RAB37: variants seen among roughly 807,000 people sequenced by gnomAD.
RAB37 encodes the protein RAB37, member RAS oncogene family.
A neutral mutation model predicts 33.1 loss-of-function variants in RAB37; 29 were observed. That is an observed-to-expected ratio of 0.88 (90% CI 0.65 to 1.20). RAB37 has a LOEUF of 1.20. RAB37 is among the 50% of genes most tolerant of loss of function. RAB37 has a pLI of 0.00. For missense variants in RAB37, 299 were observed against 301.1 expected (o/e 0.99, Z 0.05); for synonymous variants, 128 against 119.5 (o/e 1.07, Z -0.47).
At chr17:74,728,735 C>G (rs1567809869) in intron 1 of RAB37, among the ~76,000 whole-genome samples, 2 of 151,040 alleles carry the variant, frequency 1.3e-5, no homozygotes. Flanking sequence ...TATATGTGTA[C>G]ATGTGTTTTT....
intron 1 of RAB37, among the ~76,000 whole-genome samples, chr17:74,726,494 T>G (rs1166221474): frequency 6.6e-6 from 1 of 152,226 alleles, no homozygotes; most frequent in African/African-American, 2.4e-5. Flanking sequence ...GGAACGTGGA[T>G]GGACTACCCC....
chr17:74,738,514 C>T lies in RAB37; in HGVS notation c.93+1149C>T, dbSNP rs563381460. Among the ~76,000 whole-genome samples, 8 of 152,268 alleles carry T rather than the reference C, an allele frequency of 5.3e-5. No individual in the cohort carries two copies. In the East Asian group the frequency reaches 1.2e-3, roughly 22 times the overall value. On this transcript the variant is annotated intron_variant, in intron 1 of 8. Transcript: ENST00000392613. The surrounding 1 kb of genome is among the most constrained non-coding windows in gnomAD (Gnocchi z 5.0). ...GTTGTTTGCCTAGGAGGTGGCCAGG[C>T]TAGGCAGCTGTTTGTGTTTGGTGGA... is the stretch of plus-strand genomic sequence containing the variant.
chr17:74,695,528 TG>T (rs1222868271), intron 1 of RAB37, among the ~76,000 whole-genome samples: 1 of 152,206 alleles, frequency 6.6e-6, no homozygotes, highest in African/African-American at 2.4e-5. Flanking sequence ...GGACTGTGTT[TG>T]CCAGTCCCTG....
At chr17:74,706,080 G>C (rs569930247) in intron 1 of RAB37, among the ~76,000 whole-genome samples, 1 of 152,194 alleles carries the variant, frequency 6.6e-6, no homozygotes, top group Admixed American at 6.5e-5. Flanking sequence ...ACAACAGGCA[G>C]AGGAGGGAAA....
Position 74,738,477 on chromosome 17 carries a change from C to A in RAB37, c.93+1112C>A, listed in dbSNP as rs1053699145. Among the ~76,000 whole-genome samples, 23 of 152,192 alleles carry A rather than the reference C, an allele frequency of 1.5e-4. No individual in the cohort carries two copies. The highest frequency in any genetic ancestry group is 5.5e-4 in the African/African-American group (23 of 41,444). ...GGGACTGCCTGACCTTGTTGCCCTG[C>A]AAACCAGCTGGGTTGTTTGCCTAGG... is the stretch of plus-strand genomic sequence containing the variant. On this transcript the variant is annotated intron_variant, in intron 1 of 8. Coordinates refer to ENST00000392613, the MANE Select transcript of RAB37 (RefSeq NM_001006638.3). The surrounding 1 kb of genome is among the most constrained non-coding windows in gnomAD (Gnocchi z 5.0).
chr17:74,718,448 A>C (rs940697194), intron 1 of RAB37, among the ~76,000 whole-genome samples: 80 of 152,184 alleles, frequency 5.3e-4, no homozygotes, highest in African/African-American at 1.9e-3. Context: ...GATTTTCAGA[A>C]TAGAGCACCT....
At chr17:74,737,527 G>A (rs933750436) in intron 1 of RAB37, among the ~76,000 whole-genome samples, 162 bp downstream of exon 1, 2 of 152,206 alleles carry the variant, frequency 1.3e-5, no homozygotes, top group Non-Finnish European at 2.9e-5. Context: ...CAAGCTCTAG[G>A]TGTCTCTGCT....
At chr17:74,673,472 T>C (rs1272215560) in intron 1 of RAB37, among the ~76,000 whole-genome samples, 3 of 149,796 alleles carry the variant, frequency 2.0e-5, no homozygotes, top group Non-Finnish European at 3.0e-5. Context: ...AATTACAAAA[T>C]TTTCCTGGCA....
chr17:74,704,576 A>G (rs1419606087), intron 1 of RAB37: 3 of 1,614,072 alleles, frequency 1.9e-6, no homozygotes, highest in Non-Finnish European at 2.5e-6. Context: ...GAGATCCTCC[A>G]TGGTCACAGT....
intron 1 of RAB37, among the ~76,000 whole-genome samples, chr17:74,688,662 A>G (rs530450208): frequency 6.6e-6 from 1 of 152,190 alleles, no homozygotes; most frequent in Non-Finnish European, 1.5e-5. Context: ...GGTTATCTCT[A>G]CAAAAACTAA....
In RAB37 at chr17:74,695,864, G is replaced by A. The variant is rs199524741; in HGVS notation, c.72+24206G>A. 9.3e-6 allele frequency: 15 copies of A among 1,612,504 alleles called. 1 individual carries two copies. The highest frequency in any genetic ancestry group is 2.7e-5 in the African/African-American group (2 of 75,032). ...GCCCTCCAGGGGCTGCAGTACCTGG[G>A]ACAGGGAACACAGGCTGGGGAGTCA... is the stretch of plus-strand genomic sequence containing the variant. On this transcript the variant is annotated intron_variant, in intron 1 of 7. Transcript: ENST00000340415.
chr17:74,723,870 G>A (rs1035135349), intron 1 of RAB37, among the ~76,000 whole-genome samples: 16 of 151,978 alleles, frequency 1.1e-4, no homozygotes, highest in South Asian at 2.1e-4. Flanking sequence ...CACCGCACCC[G>A]GCCGTAACAT....
At chr17:74,681,261 G>T (rs1203813672) in intron 1 of RAB37, among the ~76,000 whole-genome samples, 2 of 152,208 alleles carry the variant, frequency 1.3e-5, no homozygotes, top group Non-Finnish European at 2.9e-5. Flanking sequence ...AGCTCTCGAG[G>T]CTGCCAACTT....
Position 74,728,674 on chromosome 17 carries a change from TTGTGTGTGCATGTGTGTTCTGTGCA to T in RAB37, c.73-555_73-531del, listed in dbSNP as rs1289186942. 6.9e-4 allele frequency among the ~76,000 whole-genome samples: 104 copies of T among 151,610 alleles called. 1 individual carries two copies. The South Asian group carries it at 0.013, about 19-fold the overall frequency. On this transcript the variant is annotated intron_variant, in intron 1 of 7. Coordinates refer to the RAB37 transcript ENST00000340415. ...ATGTGTGCTCTGTGTATGCATATGT[TTGTGTGTGCATGTGTGTTCTGTGCA>T]TGTGTGTGCATGTGTGTTCTGTGCA...
intron 1 of RAB37, among the ~76,000 whole-genome samples, chr17:74,708,147 C>CAAAAAAAAAAAAAAAA (rs373733638): frequency 1.2e-5 from 1 of 81,306 alleles, no homozygotes. Context: ...GACTCCATCT[C>CAAAAAAAAAAAAAAAA]AAAAAAAAAA....
intron 1 of RAB37, among the ~76,000 whole-genome samples, chr17:74,713,911 A>G (rs1191856505): frequency 6.7e-6 from 1 of 149,482 alleles, no homozygotes; most frequent in Non-Finnish European, 1.5e-5. Context: ...AAAAAAAAAA[A>G]AAAAAAAAAA....
rs898100644 is a variant in RAB37 at position 74,702,410 on chromosome 17, A to G, written c.73-26846A>G. Among the ~76,000 whole-genome samples, 111 of 152,234 alleles carry G rather than the reference A, an allele frequency of 7.3e-4. 1 individual carries two copies. Among genetic ancestry groups the G allele is most frequent in the Non-Finnish European group, 1.8e-4 (12 of 68,030 alleles). ...TCTTCTGTAAAATGGGAACATTTGTATCTGCCCATTCTTCCACATGGGGTG... is the reference window on the plus strand; with the variant it reads ...TCTTCTGTAAAATGGGAACATTTGTGTCTGCCCATTCTTCCACATGGGGTG... On this transcript the variant is annotated intron_variant, in intron 1 of 7. Transcript: ENST00000340415.
chr17:74,721,721 G>A (rs886223796), intron 1 of RAB37, among the ~76,000 whole-genome samples: 4 of 152,068 alleles, frequency 2.6e-5, no homozygotes, highest in East Asian at 3.9e-4. Context: ...GAGCCACCAC[G>A]CCTGGTCCTC....
chr17:74,698,707 G>A, intron 1 of RAB37: 2 of 1,109,310 alleles, frequency 1.8e-6, no homozygotes, highest in South Asian at 3.7e-5. Context: ...GCCTACTTGA[G>A]GATGGAGGGT....
Sources: allele counts gnomAD v4.1 joint callset (sites outside exome capture counted in the v4.1 genomes callset), GRCh38; gene constraint gnomAD v4.1.1; non-coding constraint Gnocchi (gnomAD v3.1); transcripts MANE v1.5; gene names NCBI Gene and HGNC (gene_info 2026-07-23, HGNC 2026-07-21).